AGMO: variants seen among roughly 807,000 people sequenced by gnomAD.
AGMO encodes the protein alkylglycerol monooxygenase.
A neutral mutation model predicts 60.2 loss-of-function variants in AGMO; 75 were observed. The ratio of observed to expected loss-of-function variants is 1.25; its 90% CI spans 1.03 to 1.51. AGMO has a LOEUF of 1.51. AGMO is among the 40% of genes most tolerant of loss of function. The pLI, the probability that AGMO is intolerant of heterozygous loss-of-function variation, is 0.00. For missense variants in AGMO, 763 were observed against 525.5 expected (o/e 1.45, Z -4.42); for synonymous variants, 261 against 177.1 (o/e 1.47, Z -3.76).
chr7:15,186,912 G>A, the AGMO span, among the ~76,000 whole-genome samples: 2 of 152,112 alleles, frequency 1.3e-5, no homozygotes, highest in Non-Finnish European at 2.9e-5. Flanking sequence ...TATGGGAAAA[G>A]GAAAAATTGG....
chr7:15,469,365 T>C (rs928377655), intron 3 of AGMO, among the ~76,000 whole-genome samples: 2 of 152,148 alleles, frequency 1.3e-5, no homozygotes, highest in African/African-American at 4.8e-5. Context: ...GACATGTTTA[T>C]ATAAAGTTAA....
At chr7:15,408,291 A>G (rs1784757349) in intron 5 of AGMO, among the ~76,000 whole-genome samples, 1 of 151,862 alleles carries the variant, frequency 6.6e-6, no homozygotes, top group African/African-American at 2.4e-5. Context: ...AAGTCATTTA[A>G]GAAATTTTTT....
At chr7:15,325,648 T>C (rs563905072) in intron 12 of AGMO, among the ~76,000 whole-genome samples, 16 of 152,084 alleles carry the variant, frequency 1.1e-4, no homozygotes, top group Non-Finnish European at 2.2e-4. Flanking sequence ...ACTCAAAACT[T>C]TAAAAGAAAT....
chr7:15,330,318 G>A (rs1190293107), intron 12 of AGMO, among the ~76,000 whole-genome samples: 5 of 152,078 alleles, frequency 3.3e-5, no homozygotes, highest in Non-Finnish European at 7.4e-5. Context: ...GTATGGGGCA[G>A]GAATAAAAGT....
chr7:15,545,538 T>C (rs1286093739), intron 2 of AGMO, among the ~76,000 whole-genome samples: 1 of 152,016 alleles, frequency 6.6e-6, no homozygotes, highest in East Asian at 1.9e-4. Context: ...TATTAGATAC[T>C]CAGAGCATTT....
intron 12 of AGMO, among the ~76,000 whole-genome samples, chr7:15,322,543 T>A (rs183940904): frequency 2.0e-3 from 112 of 56,270 alleles, no homozygotes; most frequent in African/African-American, 3.7e-3. Context: ...TAAATATATA[T>A]ATAAATATAT....
intron 3 of AGMO, among the ~76,000 whole-genome samples, chr7:15,489,585 T>C (rs1277443395): frequency 6.6e-6 from 1 of 152,166 alleles, no homozygotes; most frequent in Non-Finnish European, 1.5e-5. Context: ...AGAGGCCTTC[T>C]TCGTAAAAAT....
At chr7:15,140,194 A>C in the AGMO span, among the ~76,000 whole-genome samples, 1 of 152,010 alleles carries the variant, frequency 6.6e-6, no homozygotes, top group Non-Finnish European at 1.5e-5. Context: ...TAATGAATAC[A>C]AATTAATTTG....
intron 5 of AGMO, among the ~76,000 whole-genome samples, chr7:15,412,345 T>G (rs1467973869): frequency 1.3e-5 from 2 of 152,010 alleles, no homozygotes; most frequent in Admixed American, 6.6e-5. Context: ...ATTACATCAC[T>G]GAATGGGCAG....
chr7:15,480,625 T>C (rs1358112735), intron 3 of AGMO, among the ~76,000 whole-genome samples: 2 of 152,198 alleles, frequency 1.3e-5, no homozygotes, highest in East Asian at 1.9e-4. Context: ...ACAAAATAGC[T>C]GAACTATTTT....
intron 3 of AGMO, among the ~76,000 whole-genome samples, chr7:15,461,933 G>T (rs1782153895): frequency 6.6e-6 from 1 of 151,982 alleles, no homozygotes; most frequent in Non-Finnish European, 1.5e-5. Context: ...AATGAAATAG[G>T]ACCTTTTCCT....
the AGMO span, among the ~76,000 whole-genome samples, chr7:15,126,265 G>C: frequency 6.6e-6 from 1 of 151,982 alleles, no homozygotes; most frequent in Non-Finnish European, 1.5e-5. Flanking sequence ...CATTATCTTA[G>C]TAACATTTTA....
At chr7:15,336,647 G>A (rs921029221) in intron 12 of AGMO, among the ~76,000 whole-genome samples, 1 of 152,088 alleles carries the variant, frequency 6.6e-6, no homozygotes, top group African/African-American at 2.4e-5. Context: ...TAGAATATGG[G>A]CTGTTATATT....
At chr7:15,368,595 T>C (rs1783077666) in intron 10 of AGMO, among the ~76,000 whole-genome samples, 1 of 152,160 alleles carries the variant, frequency 6.6e-6, no homozygotes, top group Non-Finnish European at 1.5e-5. Context: ...ACTGTAATCT[T>C]ATTAAATACT....
intron 10 of AGMO, among the ~76,000 whole-genome samples, chr7:15,374,860 T>C (rs1783382775): frequency 6.7e-6 from 1 of 149,218 alleles, no homozygotes; most frequent in Middle Eastern, 3.4e-3. Flanking sequence ...GAGTTATGCA[T>C]AGAGAACCCT....
At chr7:15,295,665 T>C (rs917107471) in intron 12 of AGMO, among the ~76,000 whole-genome samples, 1 of 152,114 alleles carries the variant, frequency 6.6e-6, no homozygotes, top group Admixed American at 6.6e-5. Context: ...CTATCATTCA[T>C]GAAAATGTAT....
At chr7:15,426,438 C>A (rs185630593) in intron 4 of AGMO, among the ~76,000 whole-genome samples, 9 of 152,014 alleles carry the variant, frequency 5.9e-5, no homozygotes, top group African/African-American at 1.2e-4. Context: ...AACCAACCAA[C>A]CAAACAAACA....
At chr7:15,304,117 A>G (rs922314139) in intron 12 of AGMO, among the ~76,000 whole-genome samples, 1 of 152,110 alleles carries the variant, frequency 6.6e-6, no homozygotes, top group Non-Finnish European at 1.5e-5. Flanking sequence ...CATCCTCTTA[A>G]TTTTTTATTC....
the AGMO span, among the ~76,000 whole-genome samples, chr7:15,123,992 C>T: frequency 6.6e-6 from 1 of 152,054 alleles, no homozygotes; most frequent in Non-Finnish European, 1.5e-5. Context: ...TGACGTGTCT[C>T]GCATTAGTAC....
Sources: allele counts gnomAD v4.1 joint callset (sites outside exome capture counted in the v4.1 genomes callset), GRCh38; gene constraint gnomAD v4.1.1; transcripts MANE v1.5; gene names NCBI Gene and HGNC (gene_info 2026-07-23, HGNC 2026-07-21).